The following GAS7 variants were observed in gnomAD, a reference collection of about 807,000 sequenced individuals.
GAS7 encodes growth arrest specific 7.
A neutral mutation model predicts 71.1 loss-of-function variants in GAS7; 28 were observed. The ratio of observed to expected loss-of-function variants is 0.39; its 90% CI spans 0.29 to 0.54. GAS7 has a LOEUF of 0.54. GAS7 is among the 20% of genes least tolerant of loss of function. The pLI, the probability that GAS7 is intolerant of heterozygous loss-of-function variation, is 0.62. For synonymous variants in GAS7, 258 were observed against 245.8 expected, an observed-to-expected ratio of 1.05 and a Z score of -0.46; for missense variants, 436 against 627.8, an observed-to-expected ratio of 0.69 and a Z score of 3.27.
At chr17:9,920,445 A>G (rs1191863392) in intron 11 of GAS7, among the ~76,000 whole-genome samples, 1 of 152,244 alleles carries the variant, frequency 6.6e-6, no homozygotes, top group Non-Finnish European at 1.5e-5. Flanking sequence ...TATCATATGT[A>G]TGTTTAGAAC....
chr17:9,965,774 G>C (rs895177081), intron 4 of GAS7, among the ~76,000 whole-genome samples: 4 of 152,156 alleles, frequency 2.6e-5, no homozygotes, highest in Non-Finnish European at 5.9e-5. Flanking sequence ...GACTGCCCCA[G>C]GGCTGCAGAA....
At position 9,974,919 on chromosome 17, in the gene GAS7, A is replaced by G. The variant is rs905116507; in HGVS notation, c.386-5157T>C. Reference sequence around the variant, plus strand: ...GAAAAAGTCGCATCCTCAGAGCCCTACTCTCCAGGTTCCTGTTCCCTGAGG... The same window carrying G: ...GAAAAAGTCGCATCCTCAGAGCCCTGCTCTCCAGGTTCCTGTTCCCTGAGG... On this transcript the variant is annotated intron_variant, in intron 3 of 13. Transcript: ENST00000432992. This position sits in a 1 kb window ranked among gnomAD's most constrained non-coding sequence, Gnocchi z 4.0. 6.6e-6 allele frequency among the ~76,000 whole-genome samples: 1 copy of G among 152,146 alleles called. No homozygotes were observed. Among genetic ancestry groups the G allele is most frequent in the African/African-American group, 2.4e-5 (1 of 41,424 alleles).
chr17:10,150,878 C>G (rs2074161074), intron 1 of GAS7, among the ~76,000 whole-genome samples: 1 of 152,122 alleles, frequency 6.6e-6, no homozygotes, highest in Non-Finnish European at 1.5e-5. Flanking sequence ...CGTGAGCCAC[C>G]GCACCTGGCC....
rs761667476 is a variant in GAS7 at position 10,198,283 on chromosome 17, G to C, written c.108C>G (p.Asp36Glu). 6.2e-7 allele frequency: 1 copy of C among 1,605,660 alleles called. No individual in the cohort carries two copies. The highest frequency in any genetic ancestry group is 1.7e-5 in the Admixed American group (1 of 59,988). The change falls in exon 1 of 14, where the codon GAC becomes GAG. Residue 36 changes from aspartate to glutamate, a missense_variant. Coordinates refer to ENST00000432992, the MANE Select transcript of GAS7 (RefSeq NM_201433.2). ...CCTTCTCGCCTTCCCACCAGCCGCC[G>C]TCCGGGACCTGCAGCAGCGTGATCA... Reference protein sequence around the residue: ...GELITLLQVPDGGWWEGEKED... With the variant: ...GELITLLQVPEGGWWEGEKED...
chr17:10,152,355 C>T (rs917930932), intron 1 of GAS7, among the ~76,000 whole-genome samples: 1 of 152,194 alleles, frequency 6.6e-6, no homozygotes, highest in Non-Finnish European at 1.5e-5. Context: ...CGATTCTGTG[C>T]TCAGCACCGT....
At chr17:9,990,277 A>G (rs1362781887) in intron 2 of GAS7, among the ~76,000 whole-genome samples, 1 of 152,166 alleles carries the variant, frequency 6.6e-6, no homozygotes, top group East Asian at 1.9e-4. Flanking sequence ...TCAAAAAAAA[A>G]AGAAAAAAGA....
chr17:10,066,364 G>C (rs1228248813), intron 1 of GAS7, among the ~76,000 whole-genome samples: 1 of 152,188 alleles, frequency 6.6e-6, no homozygotes, highest in Non-Finnish European at 1.5e-5. Context: ...ATTTTTAGGA[G>C]AGATGGGGTT....
chr17:9,969,813 C>A lies in GAS7; in HGVS notation c.386-51G>T, dbSNP rs766959806. ...ATGCTGTGTGGGCCACAGATGGGCA[C>A]CCCCGCCTTTCGTCCACTGCAGCCC... On this transcript the variant is annotated intron_variant, in intron 3 of 13. Coordinates refer to ENST00000432992, the MANE Select transcript of GAS7 (RefSeq NM_201433.2). This position sits in a 1 kb window ranked among gnomAD's most constrained non-coding sequence, Gnocchi z 5.5. 3.2e-6 allele frequency: 4 copies of A among 1,237,472 alleles called. No individual in the cohort carries two copies. The highest frequency in any genetic ancestry group is 1.9e-4 in the Middle Eastern group (1 of 5,264). The allele number at this position is 1,237,472 out of a possible 1,614,324, so 76.7% of individuals were successfully genotyped here. A position where few individuals can be genotyped will look rare whatever the true frequency, so the allele number is the denominator to read the frequency against.
chr17:10,079,058 G>A (rs1005484126), intron 1 of GAS7, among the ~76,000 whole-genome samples: 32 of 152,106 alleles, frequency 2.1e-4, no homozygotes, highest in African/African-American at 6.5e-4. Flanking sequence ...CTTGAAGAGC[G>A]ACAGACCAAA....
intron 2 of GAS7, among the ~76,000 whole-genome samples, chr17:10,005,254 T>TATGC (rs1449840004): frequency 6.6e-5 from 10 of 151,446 alleles, no homozygotes; most frequent in African/African-American, 2.4e-4. Context: ...TGCATGTGTG[T>TATGC]GCACACATAC....
At chr17:10,111,205 A>G (rs1215426823) in intron 1 of GAS7, among the ~76,000 whole-genome samples, 2 of 152,100 alleles carry the variant, frequency 1.3e-5, no homozygotes, top group African/African-American at 4.8e-5. Context: ...GTTCGAGACC[A>G]GCCTGGTCAA....
intron 1 of GAS7, among the ~76,000 whole-genome samples, chr17:10,043,507 T>C (rs760904003): frequency 5.3e-5 from 8 of 152,262 alleles, no homozygotes; most frequent in Non-Finnish European, 1.0e-4. Flanking sequence ...AACAACCTAC[T>C]GCTGACTAGA....
At chr17:10,133,604 C>A (rs1434091335) in intron 1 of GAS7, among the ~76,000 whole-genome samples, 1 of 152,000 alleles carries the variant, frequency 6.6e-6, no homozygotes, top group African/African-American at 2.4e-5. Flanking sequence ...AAATATAATA[C>A]GCTATTATTA....
At chr17:10,189,792 A>G (rs1173748643) in intron 1 of GAS7, among the ~76,000 whole-genome samples, 1 of 152,102 alleles carries the variant, frequency 6.6e-6, no homozygotes, top group Admixed American at 6.5e-5. Context: ...TACAAAAATT[A>G]GCCGGCTGTG....
At chr17:10,032,456 C>A (rs950226121) in intron 1 of GAS7, among the ~76,000 whole-genome samples, 1 of 152,154 alleles carries the variant, frequency 6.6e-6, no homozygotes, top group African/African-American at 2.4e-5. Context: ...GCACAAAGGC[C>A]TAGGCATAAA....
At chr17:9,963,495 G>GAA (rs2069583469) in intron 4 of GAS7, among the ~76,000 whole-genome samples, 1 of 152,046 alleles carries the variant, frequency 6.6e-6, no homozygotes, top group Non-Finnish European at 1.5e-5. Flanking sequence ...GAGAGAGAGA[G>GAA]AAACAACAGA....
At chr17:9,918,719 T>G (rs1290175435) in intron 12 of GAS7, among the ~76,000 whole-genome samples, 1 of 152,182 alleles carries the variant, frequency 6.6e-6, no homozygotes, top group African/African-American at 2.4e-5. Flanking sequence ...GTGGCACAGC[T>G]TTTGTCAAAG....
At chr17:10,150,598 T>TTTTTTTC (rs1345727865) in intron 1 of GAS7, among the ~76,000 whole-genome samples, 1 of 146,120 alleles carries the variant, frequency 6.8e-6, no homozygotes, top group Non-Finnish European at 1.5e-5. Context: ...TTTCTTTTTT[T>TTTTTTTC]TTTTTTTTTA....
intron 1 of GAS7, among the ~76,000 whole-genome samples, chr17:10,139,001 T>G (rs2074061516): frequency 6.6e-6 from 1 of 152,224 alleles, no homozygotes; most frequent in Admixed American, 6.5e-5. Context: ...CACATCTATT[T>G]GTGCCTTTAA....
Sources: allele counts gnomAD v4.1 joint callset (sites outside exome capture counted in the v4.1 genomes callset), GRCh38; gene constraint gnomAD v4.1.1; non-coding constraint Gnocchi (gnomAD v3.1); transcripts MANE v1.5; gene names NCBI Gene and HGNC (gene_info 2026-07-23, HGNC 2026-07-21).